Variants in YME1L1 observed in about 807,000 individuals in gnomAD.
YME1L1 encodes the protein YME1 like 1 ATPase.
Under a neutral mutation model 90.4 loss-of-function variants are expected in YME1L1, and 39 were observed. That is an observed-to-expected ratio of 0.43 (90% CI 0.33 to 0.56). The LOEUF (loss-of-function observed/expected upper bound fraction) is 0.56. Ranked by LOEUF, YME1L1 falls within the 20% of genes least tolerant of loss-of-function variation. The probability of loss-of-function intolerance (pLI) is 0.03; values close to 1 mark genes in which losing one functional copy is unlikely to be tolerated. For synonymous variants in YME1L1, 284 were observed against 287.3 expected, an observed-to-expected ratio of 0.99 and a Z score of 0.12; for missense variants, 617 against 868.4, an observed-to-expected ratio of 0.71 and a Z score of 3.64.
intron 17 of YME1L1, among the ~76,000 whole-genome samples, chr10:27,114,905 T>C (rs1195659703): frequency 1.3e-5 from 2 of 152,146 alleles, no homozygotes; most frequent in African/African-American, 4.8e-5. Flanking sequence ...CACGTGCCTG[T>C]AATCACAGCT....
At chr10:27,136,451 T>C (rs2057028172) in intron 4 of YME1L1, 66 bp from the exon 5 acceptor site, 2 of 1,346,984 alleles carry the variant, frequency 1.5e-6, no homozygotes, top group African/African-American at 2.9e-5. Context: ...TGCCTAAGAT[T>C]CTAAAGTCTG....
In YME1L1 at chr10:27,154,299, T is replaced by C. The variant is rs1032893467; in HGVS notation, c.-89A>G. Reference sequence around the variant, plus strand: ...GCGGGGAGGCGCTGAGCCCTTCTTTTTTCCTTTTTCTCCGACCCGTTGCCC... The same window carrying C: ...GCGGGGAGGCGCTGAGCCCTTCTTTCTTCCTTTTTCTCCGACCCGTTGCCC... On this transcript the variant is annotated 5_prime_UTR_variant, in exon 1 of 19. Transcript: ENST00000376016. 1.3e-6 allele frequency: 2 copies of C among 1,486,388 alleles called. No homozygotes were observed. The highest frequency in any genetic ancestry group is 4.5e-5 in the Admixed American group (2 of 44,170). The allele number at this position is 1,486,388 out of a possible 1,614,324, so 92.1% of individuals were successfully genotyped here.
intron 11 of YME1L1, 35 bp downstream of exon 11, chr10:27,122,806 T>A: frequency 1.9e-6 from 3 of 1,610,150 alleles, no homozygotes; most frequent in Non-Finnish European, 2.5e-6. Context: ...CTGGGAGGCA[T>A]CACCATATTC....
At chr10:27,144,441 T>C (rs1032789112) in intron 3 of YME1L1, among the ~76,000 whole-genome samples, 3 of 152,200 alleles carry the variant, frequency 2.0e-5, no homozygotes, top group African/African-American at 7.2e-5. Context: ...AAACCTTCAT[T>C]ATAAACTAGT....
intron 1 of YME1L1, among the ~76,000 whole-genome samples, chr10:27,153,678 G>T (rs903548157): frequency 5.9e-5 from 9 of 152,108 alleles, no homozygotes; most frequent in African/African-American, 2.2e-4. Flanking sequence ...TGGTCAAAAT[G>T]AGAAAAAAAC....
intron 6 of YME1L1, among the ~76,000 whole-genome samples, chr10:27,134,425 A>C (rs2057005852): frequency 6.6e-6 from 1 of 152,156 alleles, no homozygotes; most frequent in African/African-American, 2.4e-5. Flanking sequence ...CTCCACAAAA[A>C]TTAGCTGGGC....
intron 4 of YME1L1, among the ~76,000 whole-genome samples, chr10:27,138,296 T>C (rs1435965124): frequency 2.0e-5 from 3 of 152,148 alleles, no homozygotes; most frequent in African/African-American, 7.2e-5. Context: ...TTCATTAGTA[T>C]TCTTTTAACA....
chr10:27,152,244 T>C (rs2057228498), intron 1 of YME1L1, among the ~76,000 whole-genome samples: 1 of 152,248 alleles, frequency 6.6e-6, no homozygotes, highest in South Asian at 2.1e-4. Context: ...ATATCTCTTT[T>C]ATTTGAATTA....
intron 3 of YME1L1, among the ~76,000 whole-genome samples, chr10:27,144,811 T>C (rs2057125199): frequency 6.6e-6 from 1 of 152,172 alleles, no homozygotes; most frequent in Non-Finnish European, 1.5e-5. Context: ...ACAAATTTTG[T>C]TGAAATTCAA....
At chr10:27,146,316 T>C (rs1337642997) in intron 2 of YME1L1, 1 of 152,006 alleles carries the variant, frequency 6.6e-6, no homozygotes. Context: ...TATCTTCTAA[T>C]AAAGAAGAAA....
intron 17 of YME1L1, among the ~76,000 whole-genome samples, chr10:27,115,579 T>G (rs1160546051): frequency 6.6e-6 from 1 of 152,080 alleles, no homozygotes; most frequent in Non-Finnish European, 1.5e-5. Flanking sequence ...CCTCCCAAAG[T>G]GCTGGGATTA....
rs2056866993 is a variant in YME1L1, at chr10:27,121,465, A to G, written c.1236-17T>C. 3.9e-6 allele frequency: 6 copies of G among 1,535,314 alleles called. No homozygotes were observed. The highest frequency in any genetic ancestry group is 5.4e-6 in the Non-Finnish European group (6 of 1,109,804). ...GGTTTAAAACTATATTGGAAAAAAA[A>G]TAGTATCTTTTACTAACACTGAAGC... On this transcript the variant is annotated splice_polypyrimidine_tract_variant and intron_variant, in intron 11 of 18. Transcript: ENST00000376016.
intron 1 of YME1L1, chr10:27,153,429 CT>C (rs1293671680): frequency 1.5e-5 from 5 of 327,538 alleles, no homozygotes; most frequent in Non-Finnish European, 3.0e-5. Context: ...AAAACTATTT[CT>C]TTGCAAAACT....
At chr10:27,128,554 A>C (rs1203274251) in intron 8 of YME1L1, among the ~76,000 whole-genome samples, 1 of 151,936 alleles carries the variant, frequency 6.6e-6, no homozygotes, top group Non-Finnish European at 1.5e-5. Flanking sequence ...TGGACAACAA[A>C]GTGAAACTCT....
At chr10:27,151,421 C>T (rs1304423945) in intron 1 of YME1L1, among the ~76,000 whole-genome samples, 2 of 152,198 alleles carry the variant, frequency 1.3e-5, no homozygotes, top group Non-Finnish European at 2.9e-5. Flanking sequence ...GCTCTGCCCT[C>T]ATCAATGGAC....
rs2135831372 is a variant in YME1L1 at position 27,111,908 on chromosome 10, AAGT to A, written c.*66_*68del. The A allele has an allele frequency of 2.5e-6, 4 of 1,574,338 alleles. No individual in the cohort carries two copies. The East Asian group carries it at 9.0e-5, about 35-fold the overall frequency. ...CAAGAATGAGGGGAAAGCGTTGTAA[AAGT>A]AGACTACTGCAATGCTACTTGTATT... On this transcript the variant is annotated 3_prime_UTR_variant, in exon 19 of 19. Transcript: ENST00000376016.
chr10:27,136,107 G>A (rs1233410691), intron 5 of YME1L1, among the ~76,000 whole-genome samples, 169 bp downstream of exon 5: 3 of 152,154 alleles, frequency 2.0e-5, no homozygotes, highest in Non-Finnish European at 4.4e-5. Context: ...GGCAAGTCTG[G>A]TGCCCAGAAG....
At chr10:27,153,326 G>A in intron 1 of YME1L1, 1 of 461,448 alleles carries the variant, frequency 2.2e-6, no homozygotes, top group Admixed American at 2.4e-5. Context: ...GGGAGTAAAA[G>A]TTACACAAAG....
intron 1 of YME1L1, among the ~76,000 whole-genome samples, chr10:27,150,920 C>CTTTT (rs142259641): frequency 3.0e-4 from 26 of 87,682 alleles, no homozygotes; most frequent in South Asian, 1.1e-3. Flanking sequence ...ACTCTCTCGC[C>CTTTT]TTTTTTTTTT....
Sources: allele counts gnomAD v4.1 joint callset (sites outside exome capture counted in the v4.1 genomes callset), GRCh38; gene constraint gnomAD v4.1.1; transcripts MANE v1.5; gene names NCBI Gene and HGNC (gene_info 2026-07-23, HGNC 2026-07-21).